Variants in PIK3CB observed in about 807,000 individuals in gnomAD.
PIK3CB encodes the protein phosphatidylinositol-4,5-bisphosphate 3-kinase catalytic subunit beta, also known as phosphatidylinositol 4,5-bisphosphate 3-kinase catalytic subunit beta isoform.
In PIK3CB, 39 loss-of-function variants were observed where a neutral mutation model predicts 136.8. That is an observed-to-expected ratio of 0.29 (90% confidence interval 0.22 to 0.37). The LOEUF is 0.37. Ranked by LOEUF, PIK3CB falls within the 10% of genes least tolerant of loss-of-function variation. The pLI is 1.00. For synonymous variants in PIK3CB, 428 were observed against 436.6 expected (o/e 0.98, Z 0.25); for missense variants, 868 against 1,275.4 (o/e 0.68, Z 4.87).
intron 21 of PIK3CB, among the ~76,000 whole-genome samples, chr3:138,663,280 T>G (rs2043335560): frequency 6.6e-6 from 1 of 152,240 alleles, no homozygotes; most frequent in Non-Finnish European, 1.5e-5. Flanking sequence ...TCTTTAAATT[T>G]AATACATCCA....
At chr3:138,722,109 T>C (rs144826817) in intron 8 of PIK3CB, among the ~76,000 whole-genome samples, 2,555 of 148,294 alleles carry the variant, frequency 0.017, 47 homozygotes, top group Non-Finnish European at 0.024. Flanking sequence ...ACATACCTAC[T>C]AGGAATCTTG....
At chr3:138,681,658 G>A (rs1448714168) in intron 19 of PIK3CB, among the ~76,000 whole-genome samples, 1 of 152,144 alleles carries the variant, frequency 6.6e-6, no homozygotes, top group African/African-American at 2.4e-5. Context: ...CTCTGGCCTT[G>A]TCATTGCCAT....
chr3:138,719,437 G>C (rs1002030390), intron 8 of PIK3CB, among the ~76,000 whole-genome samples: 6 of 151,652 alleles, frequency 4.0e-5, no homozygotes, highest in South Asian at 2.1e-4. Flanking sequence ...GTAAAGACAG[G>C]GTTTCGCCAA....
At chr3:138,828,682 C>T (rs560631241) in intron 1 of PIK3CB, among the ~76,000 whole-genome samples, 17 of 152,084 alleles carry the variant, frequency 1.1e-4, no homozygotes, top group African/African-American at 4.1e-4. Flanking sequence ...CACTTGAGAC[C>T]AGGAGTTCAA....
intron 8 of PIK3CB, among the ~76,000 whole-genome samples, chr3:138,728,328 A>G (rs1432980555): frequency 6.6e-6 from 1 of 152,242 alleles, no homozygotes; most frequent in African/African-American, 2.4e-5. Context: ...TTACAAGTCA[A>G]GAACACACCA....
intron 5 of PIK3CB, among the ~76,000 whole-genome samples, chr3:138,738,949 T>A (rs1458203773): frequency 6.6e-6 from 1 of 152,196 alleles, no homozygotes; most frequent in Admixed American, 6.5e-5. Flanking sequence ...CTATTTCACA[T>A]CTATTTTTTC....
chr3:138,717,700 C>T (rs1576353090), intron 8 of PIK3CB, among the ~76,000 whole-genome samples: 1 of 152,294 alleles, frequency 6.6e-6, no homozygotes, highest in Non-Finnish European at 1.5e-5. Flanking sequence ...CCGCTTCACC[C>T]TCAAGTAGGC....
At chr3:138,819,358 A>T (rs1488704553) in intron 1 of PIK3CB, among the ~76,000 whole-genome samples, 1 of 152,164 alleles carries the variant, frequency 6.6e-6, no homozygotes, top group Non-Finnish European at 1.5e-5. Flanking sequence ...AAAAAAAAAA[A>T]AAAATCACTA....
chr3:138,704,331 T>G (rs2044318361), intron 12 of PIK3CB, 112 bp downstream of exon 12: 2 of 782,978 alleles, frequency 2.6e-6, no homozygotes, highest in Admixed American at 4.0e-5. Flanking sequence ...ACTCACAGAC[T>G]GTTCTTGCAT....
intron 2 of PIK3CB, among the ~76,000 whole-genome samples, chr3:138,772,835 G>C (rs13087641): frequency 7.2e-6 from 1 of 139,780 alleles, no homozygotes; most frequent in Non-Finnish European, 1.5e-5. Context: ...GCCCAGGCTA[G>C]AATGCGGTGG....
chr3:138,684,504 TTTCC>T lies in PIK3CB; in HGVS notation c.2315+117_2315+120del, dbSNP rs2084735765. On this transcript the variant is annotated intron_variant, in intron 17 of 23. Transcript: ENST00000674063. Reference sequence around the variant, plus strand: ...CATAGCCTCGGAGAACTTTTAAGATTTTCCTTCCTTAATTATATTCTACTTCCTG... The same window carrying T: ...CATAGCCTCGGAGAACTTTTAAGATTTTCCTTAATTATATTCTACTTCCTG... The T allele has an allele frequency of 6.7e-6, 4 of 599,104 alleles. No individual in the cohort carries two copies. In the African/African-American group the frequency reaches 7.6e-5, roughly 11 times the overall value. 37.1% of individuals were successfully genotyped at this position (599,104 alleles called of 1,614,324 possible).
At chr3:138,830,903 AAAT>A (rs373908245) in intron 1 of PIK3CB, among the ~76,000 whole-genome samples, 38,681 of 136,716 alleles carry the variant, frequency 0.28, 5,436 homozygotes, top group Non-Finnish European at 0.3. Context: ...CTCCGTCTCA[AAAT>A]AATAATAATA....
chr3:138,762,682 G>C (rs1181709511), intron 2 of PIK3CB, among the ~76,000 whole-genome samples: 1 of 152,190 alleles, frequency 6.6e-6, no homozygotes, highest in South Asian at 2.1e-4. Flanking sequence ...TGCAGGGCCA[G>C]GTAGGGTGGC....
chr3:138,764,489 G>A (rs1028665679), intron 2 of PIK3CB, among the ~76,000 whole-genome samples: 20 of 152,056 alleles, frequency 1.3e-4, no homozygotes, highest in African/African-American at 4.8e-4. Context: ...ATGAGACAGG[G>A]CATGGCAGCT....
rs543664662 is a variant in PIK3CB, at chr3:138,764,511, T to C, written c.-16-5152A>G. 3.9e-5 allele frequency among the ~76,000 whole-genome samples: 6 copies of C among 152,248 alleles called. No homozygotes were observed. In the South Asian group the frequency reaches 1.2e-3, roughly 32 times the overall value. On this transcript the variant is annotated intron_variant, in intron 2 of 23. Coordinates refer to ENST00000674063, the MANE Select transcript of PIK3CB (RefSeq NM_006219.3). ...AGGGCATGGCAGCTCACACCTATAA[T>C]CCTAGCACTTTGGGAGGCCAAGGTG...
Position 138,759,201 on chromosome 3 carries a change from C to T in PIK3CB, c.143G>A (p.Arg48Gln), listed in dbSNP as rs1374478281. The change falls in exon 3 of 24, where the codon CGG becomes CAG. Residue 48 changes from arginine to glutamine, a missense_variant. By Grantham distance (43) the Arg-to-Gln change is conservative (BLOSUM62 1). Transcript: ENST00000674063. Reference protein sequence around the residue: ...TGIYIQLEVPREATISYIKQM... With the variant: ...TGIYIQLEVPQEATISYIKQM... ...CTTAATATAAGAAATGGTAGCTTCC[C>T]GAGGTACCTCCAACTGGATATAAAT... The T allele has an allele frequency of 6.8e-6, 11 of 1,609,826 alleles. No homozygotes were observed. Among genetic ancestry groups the T allele is most frequent in the South Asian group, 3.3e-5 (3 of 90,584 alleles).
At chr3:138,784,841 C>T (rs1033864683) in intron 2 of PIK3CB, among the ~76,000 whole-genome samples, 34 of 152,156 alleles carry the variant, frequency 2.2e-4, no homozygotes, top group Non-Finnish European at 4.7e-4. Context: ...AGCCTCTGCC[C>T]GGCCGCCACC....
chr3:138,738,026 T>C, intron 5 of PIK3CB, 140 bp from the exon 6 acceptor site: 1 of 441,370 alleles, frequency 2.3e-6, no homozygotes, highest in South Asian at 5.1e-5. Flanking sequence ...TTTATATGGA[T>C]GCATATTTAG....
chr3:138,762,034 G>T (rs2045669976), intron 2 of PIK3CB, among the ~76,000 whole-genome samples: 1 of 151,486 alleles, frequency 6.6e-6, no homozygotes. Flanking sequence ...ATCACCTGAG[G>T]TCAGGAGTTT....
Sources: allele counts gnomAD v4.1 joint callset (sites outside exome capture counted in the v4.1 genomes callset), GRCh38; gene constraint gnomAD v4.1.1; transcripts MANE v1.5; gene names NCBI Gene and HGNC (gene_info 2026-07-23, HGNC 2026-07-21).